PIP4K2A: variants seen among roughly 807,000 people sequenced by gnomAD.
PIP4K2A encodes phosphatidylinositol-5-phosphate 4-kinase type 2 alpha.
A neutral mutation model predicts 42.9 loss-of-function variants in PIP4K2A; 14 were observed. The observed-to-expected ratio is 0.33, with a 90% CI of 0.22 to 0.51. The LOEUF (loss-of-function observed/expected upper bound fraction) is 0.51. Among genes scored for constraint, PIP4K2A ranks in the 20% least tolerant of loss-of-function variants. The pLI, the probability that PIP4K2A is intolerant of heterozygous loss-of-function variation, is 0.97. For synonymous variants in PIP4K2A, 192 were observed against 192.2 expected, an observed-to-expected ratio of 1.00 and a Z score of 0.01; for missense variants, 434 against 519.8, an observed-to-expected ratio of 0.83 and a Z score of 1.61.
intron 1 of PIP4K2A, among the ~76,000 whole-genome samples, chr10:22,669,590 T>C (rs1414268904): frequency 6.6e-6 from 1 of 152,084 alleles, no homozygotes; most frequent in Admixed American, 6.5e-5. Context: ...CAGCAAACCC[T>C]GTAGGGTAAT....
intron 1 of PIP4K2A, among the ~76,000 whole-genome samples, chr10:22,632,932 A>G (rs1021118433): frequency 6.6e-6 from 1 of 152,092 alleles, no homozygotes; most frequent in Non-Finnish European, 1.5e-5. Flanking sequence ...GCCCCTTTTC[A>G]TCCTCAACAT....
At chr10:22,632,420 A>AT (rs1255842946) in intron 1 of PIP4K2A, among the ~76,000 whole-genome samples, 3 of 152,206 alleles carry the variant, frequency 2.0e-5, no homozygotes, top group African/African-American at 7.2e-5. Flanking sequence ...TTAAAATGGT[A>AT]TTTTTAGTAT....
intron 9 of PIP4K2A, chr10:22,539,716 G>C (rs1836041120): frequency 2.4e-6 from 1 of 422,202 alleles, no homozygotes; most frequent in Non-Finnish European, 4.3e-6. Context: ...AGGGAGCTGT[G>C]GTAAGAGCAG....
intron 1 of PIP4K2A, among the ~76,000 whole-genome samples, chr10:22,673,635 GAAAAAAAATAAAAAAT>G (rs918126691): frequency 2.7e-5 from 4 of 150,032 alleles, no homozygotes; most frequent in Non-Finnish European, 4.4e-5. Context: ...CTCTTCTGAG[GAAAAAAAATAAAAAAT>G]AAAAAAAATA....
intron 4 of PIP4K2A, among the ~76,000 whole-genome samples, chr10:22,584,587 G>A (rs115868846): frequency 7.9e-5 from 12 of 152,200 alleles, no homozygotes; most frequent in Middle Eastern, 6.8e-3. Flanking sequence ...GGAGTGTGCC[G>A]GGCAGCTCCC....
intron 8 of PIP4K2A, among the ~76,000 whole-genome samples, chr10:22,540,882 A>T (rs1836089494): frequency 6.6e-6 from 1 of 152,200 alleles, no homozygotes; most frequent in Admixed American, 6.5e-5. Flanking sequence ...CATTTCCAAA[A>T]ATATGAACAG....
At chr10:22,559,826 G>A (rs1365598451) in intron 6 of PIP4K2A, among the ~76,000 whole-genome samples, 2 of 152,216 alleles carry the variant, frequency 1.3e-5, no homozygotes, top group Non-Finnish European at 2.9e-5. Context: ...ACTACAGCAT[G>A]AGGAGCAATG....
chr10:22,564,397 G>T (rs546808245), intron 6 of PIP4K2A, among the ~76,000 whole-genome samples: 1 of 152,312 alleles, frequency 6.6e-6, no homozygotes, highest in East Asian at 1.9e-4. Context: ...TCCTGCTAGT[G>T]GTAGTCCCAA....
intron 1 of PIP4K2A, among the ~76,000 whole-genome samples, chr10:22,651,541 C>T (rs1838996985): frequency 2.0e-5 from 3 of 152,206 alleles, no homozygotes; most frequent in Non-Finnish European, 2.9e-5. Context: ...CAGCTCTCAG[C>T]TTAGATGCAT....
chr10:22,628,693 T>C (rs893481972), intron 1 of PIP4K2A, among the ~76,000 whole-genome samples: 1 of 152,154 alleles, frequency 6.6e-6, no homozygotes, highest in South Asian at 2.1e-4. Context: ...ATAGGTAGAT[T>C]GAAAAATTTT....
At chr10:22,645,217 C>T (rs576038694) in intron 1 of PIP4K2A, among the ~76,000 whole-genome samples, 10 of 152,242 alleles carry the variant, frequency 6.6e-5, no homozygotes, top group East Asian at 3.9e-4. Flanking sequence ...TTAATGCTCA[C>T]GTATAACACC....
At chr10:22,572,170 T>C (rs1291905580) in intron 5 of PIP4K2A, among the ~76,000 whole-genome samples, 1 of 152,210 alleles carries the variant, frequency 6.6e-6, no homozygotes, top group Non-Finnish European at 1.5e-5. Context: ...TTGGCAAACT[T>C]TTCTGCAAAC....
At chr10:22,619,094 C>G (rs1838252699) in intron 1 of PIP4K2A, among the ~76,000 whole-genome samples, 1 of 151,956 alleles carries the variant, frequency 6.6e-6, no homozygotes, top group South Asian at 2.1e-4. Context: ...AAATCACCAA[C>G]TTGAGCACCA....
rs1205731993 is a variant in PIP4K2A, at chr10:22,536,356, GA to G, written c.*844del. 2 of 302,840 alleles carry G rather than the reference GA, an allele frequency of 6.6e-6. No individual in the cohort carries two copies. Among genetic ancestry groups the G allele is most frequent in the Admixed American group, 7.9e-5 (1 of 12,606 alleles). 18.8% of individuals were successfully genotyped at this position (302,840 alleles called of 1,614,324 possible). A position where few individuals can be genotyped will look rare whatever the true frequency, so the allele number is the denominator to read the frequency against. On this transcript the variant is annotated 3_prime_UTR_variant, in exon 10 of 10. Coordinates refer to ENST00000376573, the MANE Select transcript of PIP4K2A (RefSeq NM_005028.5). ...ATATTGCAACGTAAGGGTGAACAAT[GA>G]AGGCTCCAGGCAAGAAAAGAGAAGT...
rs564416202 is a variant in PIP4K2A at position 22,578,170 on chromosome 10, T to C, written c.493-4713A>G. ...TACCAATTTTCTGTCTGCTTGAACA[T>C]TTTTACAATAAAAAGTAAAAAGAAA... is the stretch of plus-strand genomic sequence containing the variant. On this transcript the variant is annotated intron_variant, in intron 4 of 9. Coordinates refer to ENST00000376573, the MANE Select transcript of PIP4K2A (RefSeq NM_005028.5). Among the ~76,000 whole-genome samples, 3 of 152,352 alleles carry C rather than the reference T, an allele frequency of 2.0e-5. No individual in the cohort carries two copies. In the East Asian group the frequency reaches 5.8e-4, roughly 29 times the overall value.
chr10:22,671,196 C>G (rs1207852389), intron 1 of PIP4K2A, among the ~76,000 whole-genome samples: 2 of 152,054 alleles, frequency 1.3e-5, no homozygotes, highest in Non-Finnish European at 1.5e-5. Flanking sequence ...ATATATCAGT[C>G]TAAAATATTA....
chr10:22,645,459 T>A (rs951254207), intron 1 of PIP4K2A, among the ~76,000 whole-genome samples: 1 of 150,996 alleles, frequency 6.6e-6, no homozygotes, highest in African/African-American at 2.4e-5. Flanking sequence ...GATGGAAGCA[T>A]CACTTGAGCC....
chr10:22,629,185 A>G (rs1260548633), intron 1 of PIP4K2A, among the ~76,000 whole-genome samples: 2 of 152,218 alleles, frequency 1.3e-5, no homozygotes, highest in African/African-American at 4.8e-5. Flanking sequence ...TTTAATATAC[A>G]AACACTTTTA....
intron 1 of PIP4K2A, among the ~76,000 whole-genome samples, chr10:22,631,109 T>TTTTAC (rs1452043861): frequency 1.3e-5 from 2 of 152,204 alleles, no homozygotes; most frequent in Non-Finnish European, 2.9e-5. Flanking sequence ...TCAGTTTTAC[T>TTTTAC]TTGTATTGAT....
Sources: gnomAD v4.1 joint callset for allele counts (sites outside exome capture counted in the v4.1 genomes callset) on GRCh38, gnomAD v4.1.1 for gene constraint, MANE v1.5 for transcripts, NCBI Gene and HGNC (gene_info 2026-07-23, HGNC 2026-07-21) for gene names.